THSD7A: variants seen among roughly 807,000 people sequenced by gnomAD.
THSD7A encodes the protein thrombospondin type-1 domain-containing protein 7A.
THSD7A carries 96 observed loss-of-function variants against 231.3 expected under a neutral mutation model. The observed-to-expected ratio is 0.41, with a 90% CI of 0.35 to 0.49. THSD7A has a LOEUF of 0.49. Ranked by LOEUF, THSD7A falls within the 20% of genes least tolerant of loss-of-function variation. The probability of loss-of-function intolerance (pLI) is 0.05; values close to 1 mark genes in which losing one functional copy is unlikely to be tolerated. For synonymous variants in THSD7A, 940 were observed against 743.3 expected (o/e 1.26, Z -4.30); for missense variants, 2,290 against 2,070.2 (o/e 1.11, Z -2.06).
intron 6 of THSD7A, among the ~76,000 whole-genome samples, chr7:11,486,090 A>G (rs959694115): frequency 6.6e-6 from 1 of 152,180 alleles, no homozygotes; most frequent in African/African-American, 2.4e-5. Flanking sequence ...ATTACAGGCA[A>G]CTTCATAACT....
intron 6 of THSD7A, among the ~76,000 whole-genome samples, chr7:11,484,279 G>A (rs183426987): frequency 2.0e-4 from 30 of 152,136 alleles, no homozygotes; most frequent in African/African-American, 6.5e-4. Context: ...TTAGGTTGAA[G>A]CTTTATGTTC....
intron 13 of THSD7A, among the ~76,000 whole-genome samples, chr7:11,445,273 G>A (rs773323021): frequency 9.2e-5 from 14 of 151,914 alleles, no homozygotes; most frequent in Non-Finnish European, 1.8e-4. Context: ...CTGCCCCACT[G>A]TAAACTTCTT....
rs74497186 is a variant in THSD7A at position 11,661,594 on chromosome 7, T to A, written c.191-24633A>T. Among the ~76,000 whole-genome samples, 6 of 150,500 alleles carry A rather than the reference T, an allele frequency of 4.0e-5. No homozygotes were observed. The South Asian group carries it at 1.3e-3, about 31-fold the overall frequency. On this transcript the variant is annotated intron_variant, in intron 1 of 27. Transcript: ENST00000423059. Reference sequence around the variant, plus strand: ...ACAAATAGGTTAAGCACCAAAAGAATTGGAGGAATAGGAGAAAATCCAATT... The same window carrying A: ...ACAAATAGGTTAAGCACCAAAAGAAATGGAGGAATAGGAGAAAATCCAATT...
At chr7:11,668,391 C>T (rs1298329401) in intron 1 of THSD7A, among the ~76,000 whole-genome samples, 1 of 150,608 alleles carries the variant, frequency 6.6e-6, no homozygotes, top group Admixed American at 6.6e-5. Flanking sequence ...GCACTCTGCC[C>T]TGGGCAACAA....
chr7:11,490,610 G>T (rs1392437446), intron 6 of THSD7A, among the ~76,000 whole-genome samples: 1 of 152,026 alleles, frequency 6.6e-6, no homozygotes, highest in Non-Finnish European at 1.5e-5. Context: ...GAATAAAGGT[G>T]TGAAAAATGT....
chr7:11,641,270 G>A (rs970626932), intron 1 of THSD7A, among the ~76,000 whole-genome samples: 5 of 151,922 alleles, frequency 3.3e-5, no homozygotes, highest in Admixed American at 1.3e-4. Flanking sequence ...TACATTCCAT[G>A]GTTTGAACAT....
chr7:11,556,428 T>A (rs1789848170), intron 4 of THSD7A, among the ~76,000 whole-genome samples: 1 of 151,764 alleles, frequency 6.6e-6, no homozygotes, highest in Non-Finnish European at 1.5e-5. Flanking sequence ...ATAAATTGTT[T>A]TAAATATATC....
chr7:11,602,878 T>A (rs1334706837), intron 2 of THSD7A, among the ~76,000 whole-genome samples: 1 of 150,812 alleles, frequency 6.6e-6, no homozygotes, highest in East Asian at 2.0e-4. Flanking sequence ...AGGTCTAACG[T>A]TGATGGATTA....
At chr7:11,734,162 T>A (rs1562514939) in intron 1 of THSD7A, among the ~76,000 whole-genome samples, 1 of 151,908 alleles carries the variant, frequency 6.6e-6, no homozygotes, top group Non-Finnish European at 1.5e-5. Flanking sequence ...AGAAAATAGC[T>A]TTCTTTCTAG....
chr7:11,749,376 G>T (rs1281480330), intron 1 of THSD7A, among the ~76,000 whole-genome samples: 2 of 151,816 alleles, frequency 1.3e-5, no homozygotes, highest in Admixed American at 6.6e-5. Flanking sequence ...GAGCATGTTG[G>T]TTATCTAATG....
intron 2 of THSD7A, among the ~76,000 whole-genome samples, chr7:11,598,552 G>C (rs2128343489): frequency 6.6e-6 from 1 of 152,272 alleles, no homozygotes; most frequent in South Asian, 2.1e-4. Flanking sequence ...ACTGCTAAGT[G>C]CCCAATTTGC....
intron 2 of THSD7A, among the ~76,000 whole-genome samples, chr7:11,604,270 G>T (rs1435452708): frequency 6.6e-6 from 1 of 152,068 alleles, no homozygotes; most frequent in African/African-American, 2.4e-5. Context: ...CCAAGGTCTT[G>T]CTTACGAAGC....
At chr7:11,511,720 T>G (rs571198775) in intron 6 of THSD7A, among the ~76,000 whole-genome samples, 2 of 152,340 alleles carry the variant, frequency 1.3e-5, no homozygotes, top group African/African-American at 4.8e-5. Context: ...CTGGGAAAAC[T>G]GGCTAGCCAT....
At chr7:11,383,977 T>TAA (rs760592461) in intron 23 of THSD7A, 1 of 151,994 alleles carries the variant, frequency 6.6e-6, no homozygotes, top group Non-Finnish European at 1.5e-5. Context: ...CAGAAGCAGA[T>TAA]AAGAGAATCC....
intron 11 of THSD7A, among the ~76,000 whole-genome samples, chr7:11,454,953 A>G (rs1356754912): frequency 1.3e-5 from 2 of 152,046 alleles, no homozygotes; most frequent in African/African-American, 4.8e-5. Context: ...CTATTGCTAT[A>G]TACTGAGTTG....
intron 1 of THSD7A, chr7:11,820,450 A>G (rs368598439): frequency 3.1e-6 from 4 of 1,306,714 alleles, no homozygotes; most frequent in Non-Finnish European, 4.1e-6. Context: ...TTTCCAGAAC[A>G]TGAACCGGCC....
At chr7:11,497,652 T>C (rs1381615327) in intron 6 of THSD7A, among the ~76,000 whole-genome samples, 1 of 152,196 alleles carries the variant, frequency 6.6e-6, no homozygotes, top group African/African-American at 2.4e-5. Flanking sequence ...AGAATAACTG[T>C]TGACTAGTAG....
intron 6 of THSD7A, among the ~76,000 whole-genome samples, chr7:11,486,221 C>A (rs1039307391): frequency 1.3e-5 from 2 of 151,718 alleles, no homozygotes; most frequent in African/African-American, 2.4e-5. Context: ...AAAATAATTT[C>A]ATCCCTCTTC....
chr7:11,400,366 T>C (rs770443579), intron 23 of THSD7A, among the ~76,000 whole-genome samples: 6 of 152,158 alleles, frequency 3.9e-5, no homozygotes, highest in Non-Finnish European at 7.3e-5. Flanking sequence ...TTTTAACTTT[T>C]CTCCCTTCTG....
Sources: allele counts gnomAD v4.1 joint callset (sites outside exome capture counted in the v4.1 genomes callset), GRCh38; gene constraint gnomAD v4.1.1; transcripts MANE v1.5; gene names NCBI Gene and HGNC (gene_info 2026-07-23, HGNC 2026-07-21).